GSK3B: variants seen among roughly 807,000 people sequenced by gnomAD.
The protein encoded by GSK3B is glycogen synthase kinase 3 beta, also known as glycogen synthase kinase-3 beta.
A neutral mutation model predicts 56.4 loss-of-function variants in GSK3B; 15 were observed. The observed-to-expected ratio is 0.27, with a 90% CI of 0.18 to 0.41. The LOEUF (loss-of-function observed/expected upper bound fraction) is 0.41, where lower values mean the gene tolerates loss of function less well. Ranked by LOEUF, GSK3B falls within the 10% of genes least tolerant of loss-of-function variation. The probability of loss-of-function intolerance (pLI) is 1.00; values close to 1 mark genes in which losing one functional copy is unlikely to be tolerated. For missense variants in GSK3B, 300 were observed against 513.4 expected (o/e 0.58, Z 4.02); for synonymous variants, 181 against 188.9 (o/e 0.96, Z 0.34).
intron 1 of GSK3B, among the ~76,000 whole-genome samples, chr3:120,024,033 T>C (rs1412807298): frequency 1.3e-5 from 2 of 152,212 alleles, no homozygotes; most frequent in African/African-American, 4.8e-5. Flanking sequence ...AAAATTAAGC[T>C]GGCACTTAAC....
At chr3:119,876,975 T>G (rs2056322166) in intron 7 of GSK3B, among the ~76,000 whole-genome samples, 1 of 152,178 alleles carries the variant, frequency 6.6e-6, no homozygotes, top group East Asian at 1.9e-4. Context: ...CTATTGTTTA[T>G]ATATTATCCA....
At chr3:119,988,087 G>T (rs1351645101) in intron 2 of GSK3B, among the ~76,000 whole-genome samples, 1 of 152,076 alleles carries the variant, frequency 6.6e-6, no homozygotes, top group Non-Finnish European at 1.5e-5. Context: ...GCTCTAACAG[G>T]TGCTCTTAAA....
At chr3:119,974,318 A>G (rs1340110446) in intron 2 of GSK3B, among the ~76,000 whole-genome samples, 1 of 152,252 alleles carries the variant, frequency 6.6e-6, no homozygotes, top group Non-Finnish European at 1.5e-5. Context: ...TTAGTAGACT[A>G]GCCTATCAAA....
At chr3:119,934,420 T>C (rs1164088622) in intron 3 of GSK3B, among the ~76,000 whole-genome samples, 1 of 152,138 alleles carries the variant, frequency 6.6e-6, no homozygotes, top group Non-Finnish European at 1.5e-5. Flanking sequence ...CTACAAAACA[T>C]CTGACCAGTA....
At chr3:120,082,246 A>T (rs1327907820) in intron 1 of GSK3B, among the ~76,000 whole-genome samples, 4 of 152,024 alleles carry the variant, frequency 2.6e-5, no homozygotes, top group Non-Finnish European at 4.4e-5. Context: ...AACCACACAC[A>T]CCTTTTCTAT....
At position 119,916,036 on chromosome 3, in the gene GSK3B, T is replaced by A; in HGVS notation, c.608+8A>T. ...AGGGAAGGGGCAGGGAGAGGGACAGTAGCTTACCTTCCAAAGTCACAGAGT... is the reference window on the plus strand; with the variant it reads ...AGGGAAGGGGCAGGGAGAGGGACAGAAGCTTACCTTCCAAAGTCACAGAGT... On this transcript the variant is annotated splice_region_variant and intron_variant, in intron 5 of 10. Transcript: ENST00000264235. 1 of 1,607,764 alleles carries A rather than the reference T, an allele frequency of 6.2e-7. No homozygotes were observed. Among genetic ancestry groups the A allele is most frequent in the East Asian group, 2.2e-5 (1 of 44,690 alleles).
intron 3 of GSK3B, among the ~76,000 whole-genome samples, chr3:119,942,717 C>A (rs1476288027): frequency 1.3e-5 from 2 of 152,118 alleles, no homozygotes; most frequent in Non-Finnish European, 2.9e-5. Flanking sequence ...TATGTTCTAT[C>A]AGAGGTCTTC....
chr3:119,970,413 A>T (rs898864011), intron 2 of GSK3B, among the ~76,000 whole-genome samples: 1 of 152,158 alleles, frequency 6.6e-6, no homozygotes, highest in African/African-American at 2.4e-5. Context: ...CACCTATTAG[A>T]ATAGCTAAAA....
chr3:120,084,540 T>TG (rs2058447598), intron 1 of GSK3B: 1 of 152,130 alleles, frequency 6.6e-6, no homozygotes. Context: ...AACTAAGGGG[T>TG]GCTTGATTTA....
chr3:120,092,806 C>G (rs2058524819), intron 1 of GSK3B, among the ~76,000 whole-genome samples: 1 of 152,122 alleles, frequency 6.6e-6, no homozygotes, highest in Non-Finnish European at 1.5e-5. Context: ...GGAAGTTCAT[C>G]CACAGATTAA....
At chr3:119,868,110 G>A (rs2056205855) in intron 8 of GSK3B, among the ~76,000 whole-genome samples, 1 of 146,302 alleles carries the variant, frequency 6.8e-6, no homozygotes, top group African/African-American at 2.5e-5. Context: ...CAAAAAATAA[G>A]AAGAAGAAGA....
intron 1 of GSK3B, among the ~76,000 whole-genome samples, chr3:120,072,198 G>A (rs1421277195): frequency 2.0e-5 from 3 of 152,114 alleles, no homozygotes; most frequent in South Asian, 2.1e-4. Flanking sequence ...AGAAAAGTTC[G>A]ATTCAGAGGC....
At chr3:119,854,964 T>C (rs1015627116) in intron 9 of GSK3B, among the ~76,000 whole-genome samples, 2 of 152,232 alleles carry the variant, frequency 1.3e-5, no homozygotes, top group Admixed American at 6.5e-5. Context: ...TCTGCTATCT[T>C]TTGAACGTGT....
At chr3:119,839,139 G>T (rs2055735451) in intron 10 of GSK3B, among the ~76,000 whole-genome samples, 1 of 152,106 alleles carries the variant, frequency 6.6e-6, no homozygotes, top group Admixed American at 6.5e-5. Flanking sequence ...ATGATTTTAG[G>T]CCACAATCTG....
intron 3 of GSK3B, among the ~76,000 whole-genome samples, chr3:119,926,434 C>A (rs2056890238): frequency 6.6e-6 from 1 of 151,964 alleles, no homozygotes; most frequent in Non-Finnish European, 1.5e-5. Context: ...TATCTGGATC[C>A]AACCACTCAT....
intron 1 of GSK3B, among the ~76,000 whole-genome samples, chr3:120,014,817 G>A (rs17204605): frequency 0.085 from 13,009 of 152,186 alleles, 689 homozygotes; most frequent in Non-Finnish European, 0.12. Context: ...GCTGGCTTCC[G>A]GAGATGTTTA....
At chr3:119,857,440 T>C (rs949602377) in intron 9 of GSK3B, among the ~76,000 whole-genome samples, 5 of 152,222 alleles carry the variant, frequency 3.3e-5, no homozygotes, top group Non-Finnish European at 4.4e-5. Context: ...CAGAAGCAGA[T>C]TCCTTCTCAA....
intron 9 of GSK3B, among the ~76,000 whole-genome samples, chr3:119,858,625 C>A (rs1337850545): frequency 6.6e-6 from 1 of 152,168 alleles, no homozygotes; most frequent in East Asian, 1.9e-4. Context: ...ACTGGAGTAG[C>A]ACTTTAAATT....
chr3:120,068,170 A>C (rs1227238235), intron 1 of GSK3B, among the ~76,000 whole-genome samples: 1 of 151,840 alleles, frequency 6.6e-6, no homozygotes, highest in African/African-American at 2.4e-5. Flanking sequence ...AGGTGGGTGG[A>C]TCACAAGGTC....
Sources: gnomAD v4.1 joint callset for allele counts (sites outside exome capture counted in the v4.1 genomes callset) on GRCh38, gnomAD v4.1.1 for gene constraint, MANE v1.5 for transcripts, NCBI Gene and HGNC (gene_info 2026-07-23, HGNC 2026-07-21) for gene names.